Variants in SLCO4C1 observed in about 807,000 individuals in gnomAD.
The protein encoded by SLCO4C1 is solute carrier organic anion transporter family member 4C1.
SLCO4C1 carries 58 observed loss-of-function variants against 72.1 expected under a neutral mutation model. The observed-to-expected ratio is 0.80, with a 90% CI of 0.65 to 1.00. The LOEUF is 1.00. SLCO4C1 is among the 50% of genes least tolerant of loss of function. The pLI, the probability that SLCO4C1 is intolerant of heterozygous loss-of-function variation, is 0.00. For missense variants in SLCO4C1, 898 were observed against 857.9 expected (o/e 1.05, Z -0.58); for synonymous variants, 297 against 312.5 (o/e 0.95, Z 0.52).
chr5:102,291,709 T>TTA, intron 1 of SLCO4C1, 103 bp from the exon 2 acceptor site: 1 of 991,974 alleles, frequency 1.0e-6, no homozygotes, highest in Non-Finnish European at 1.4e-6. Flanking sequence ...TTTTTTTTCT[T>TTA]AAAATGTACC....
At chr5:102,264,106 A>G (rs905433438) in intron 3 of SLCO4C1, among the ~76,000 whole-genome samples, 1 of 152,126 alleles carries the variant, frequency 6.6e-6, no homozygotes, top group African/African-American at 2.4e-5. Flanking sequence ...ACACTTTACA[A>G]TATCATGAAG....
At chr5:102,290,296 C>A (rs2112403236) in intron 2 of SLCO4C1, among the ~76,000 whole-genome samples, 1 of 152,320 alleles carries the variant, frequency 6.6e-6, no homozygotes, top group East Asian at 1.9e-4. Context: ...AGGGATTCTT[C>A]TGCCTCAGTC....
intron 1 of SLCO4C1, among the ~76,000 whole-genome samples, chr5:102,295,116 G>A (rs1254285740): frequency 6.6e-6 from 1 of 152,140 alleles, no homozygotes; most frequent in African/African-American, 2.4e-5. Context: ...CACACCAGAA[G>A]CAGCTTTAAC....
At chr5:102,261,215 C>A (rs983658806) in intron 5 of SLCO4C1, among the ~76,000 whole-genome samples, 1 of 152,052 alleles carries the variant, frequency 6.6e-6, no homozygotes, top group African/African-American at 2.4e-5. Flanking sequence ...GAGTTCGAGA[C>A]CAGCCTGGCC....
intron 2 of SLCO4C1, among the ~76,000 whole-genome samples, chr5:102,287,511 A>G (rs896085508): frequency 5.1e-4 from 78 of 151,464 alleles, no homozygotes; most frequent in Non-Finnish European, 6.8e-4. Flanking sequence ...CTTACACTAT[A>G]AAAAGAAGAG....
At chr5:102,256,982 T>C in intron 8 of SLCO4C1, 133 bp downstream of exon 8, 1 of 600,938 alleles carries the variant, frequency 1.7e-6, no homozygotes, top group Non-Finnish European at 2.6e-6. Context: ...CAAAACCACA[T>C]GTTCTTACAT....
At chr5:102,263,543 G>T (rs1350088228) in intron 4 of SLCO4C1, 141 bp downstream of exon 4, 24 of 591,796 alleles carry the variant, frequency 4.1e-5, no homozygotes, top group African/African-American at 5.7e-5. Context: ...TATTATATAA[G>T]AATTCTTTGT....
chr5:102,256,148 G>A (rs1263411345), intron 8 of SLCO4C1, among the ~76,000 whole-genome samples: 1 of 152,088 alleles, frequency 6.6e-6, no homozygotes, highest in Non-Finnish European at 1.5e-5. Context: ...ATGTTGCCGT[G>A]AGCCAAGACT....
intron 8 of SLCO4C1, among the ~76,000 whole-genome samples, chr5:102,255,801 A>G (rs1748823639): frequency 6.6e-6 from 1 of 151,864 alleles, no homozygotes; most frequent in South Asian, 2.1e-4. Context: ...TTAATCTCCC[A>G]TTACCTAATT....
intron 5 of SLCO4C1, 55 bp downstream of exon 5, chr5:102,261,857 G>C (rs1580251586): frequency 6.6e-7 from 1 of 1,517,946 alleles, no homozygotes; most frequent in Non-Finnish European, 8.8e-7. Flanking sequence ...ATAGAAAATA[G>C]CAACTGGCCT....
At chr5:102,244,080 G>A (rs553049762) in intron 10 of SLCO4C1, among the ~76,000 whole-genome samples, 28 of 152,124 alleles carry the variant, frequency 1.8e-4, no homozygotes, top group African/African-American at 6.5e-4. Flanking sequence ...CCAGCTACTC[G>A]GGAGGCTGAG....
chr5:102,272,266 T>C (rs1749166495), intron 2 of SLCO4C1, among the ~76,000 whole-genome samples: 1 of 152,184 alleles, frequency 6.6e-6, no homozygotes, highest in African/African-American at 2.4e-5. Flanking sequence ...CTTGTGTCAC[T>C]AATCTGTGCA....
chr5:102,242,016 A>C (rs1748550627), intron 10 of SLCO4C1, among the ~76,000 whole-genome samples: 1 of 152,206 alleles, frequency 6.6e-6, no homozygotes. Context: ...AGTGTAATAC[A>C]GAGAGAATCT....
intron 6 of SLCO4C1, 59 bp downstream of exon 6, chr5:102,260,154 G>T: frequency 5.4e-6 from 2 of 371,850 alleles, no homozygotes; most frequent in Non-Finnish European, 4.2e-6. Flanking sequence ...TGAGGTGTGT[G>T]TGTGTATATG....
chr5:102,267,140 A>C (rs986531496), intron 3 of SLCO4C1, among the ~76,000 whole-genome samples: 2 of 152,118 alleles, frequency 1.3e-5, no homozygotes, highest in Non-Finnish European at 2.9e-5. Flanking sequence ...CTGGTCTCAG[A>C]ATAAGTTAGG....
At chr5:102,262,700 G>C (rs1748963879) in intron 4 of SLCO4C1, among the ~76,000 whole-genome samples, 1 of 152,122 alleles carries the variant, frequency 6.6e-6, no homozygotes, top group Admixed American at 6.6e-5. Flanking sequence ...ACTGTGCCGA[G>C]CCAGGAGTCT....
At position 102,296,155 on chromosome 5, in the gene SLCO4C1, G is replaced by A. The variant is rs1420052267; in HGVS notation, c.108C>T (p.Ser36=). 1.2e-6 allele frequency: 2 copies of A among 1,613,446 alleles called. No homozygotes were observed. Among genetic ancestry groups the A allele is most frequent in the Admixed American group, 3.3e-5 (2 of 59,956 alleles). Residue 36 remains serine (S), a synonymous_variant, in exon 1 of 13, where the codon TCC becomes TCT. Coordinates refer to ENST00000310954, the MANE Select transcript of SLCO4C1 (RefSeq NM_180991.5). ...SPSQIEVSAL[S]SDPQRENSQP... The stretch of plus-strand genomic sequence containing the variant: ...GAGAATTCTCTCTTTGGGGGTCAGA[G>A]GACAAGGCAGAGACTTCGATTTGGG...
intron 2 of SLCO4C1, among the ~76,000 whole-genome samples, chr5:102,281,929 T>C (rs772188295): frequency 6.6e-6 from 1 of 152,136 alleles, no homozygotes; most frequent in African/African-American, 2.4e-5. Flanking sequence ...AAATGAAAAC[T>C]ATGTTCACAC....
At chr5:102,281,675 G>A (rs1464146102) in intron 2 of SLCO4C1, among the ~76,000 whole-genome samples, 2 of 152,026 alleles carry the variant, frequency 1.3e-5, no homozygotes, top group African/African-American at 4.8e-5. Context: ...AAGCAAAGAT[G>A]CTCAATGTTA....
Sources: allele counts gnomAD v4.1 joint callset (sites outside exome capture counted in the v4.1 genomes callset), GRCh38; gene constraint gnomAD v4.1.1; transcripts MANE v1.5; gene names NCBI Gene and HGNC (gene_info 2026-07-23, HGNC 2026-07-21).